Variants in PRKCI observed in about 807,000 individuals in gnomAD.
PRKCI encodes protein kinase C iota type.
PRKCI carries 43 observed loss-of-function variants against 84.0 expected under a neutral mutation model. The observed-to-expected ratio is 0.51, with a 90% confidence interval of 0.40 to 0.66. The LOEUF (loss-of-function observed/expected upper bound fraction) is 0.66, where lower values mean the gene tolerates loss of function less well. Ranked by LOEUF, PRKCI falls within the 30% of genes least tolerant of loss-of-function variation. PRKCI has a pLI of 0.00. For missense variants in PRKCI, 459 were observed against 745.6 expected (o/e 0.62, Z 4.48); for synonymous variants, 216 against 234.4 (o/e 0.92, Z 0.72).
At chr3:170,294,159 C>A (rs1734638661) in intron 14 of PRKCI, among the ~76,000 whole-genome samples, 1 of 151,882 alleles carries the variant, frequency 6.6e-6, no homozygotes, top group South Asian at 2.1e-4. Context: ...ACACAGGGAC[C>A]CTGAGGCTGA....
intron 1 of PRKCI, among the ~76,000 whole-genome samples, chr3:170,229,348 C>T (rs974812482): frequency 6.6e-6 from 1 of 152,188 alleles, no homozygotes; most frequent in Non-Finnish European, 1.5e-5. Context: ...GAGTCTGATT[C>T]TGTTGCCTAC....
intron 1 of PRKCI, among the ~76,000 whole-genome samples, chr3:170,226,506 C>G (rs1577336049): frequency 6.6e-6 from 1 of 152,238 alleles, no homozygotes; most frequent in Middle Eastern, 3.4e-3. Context: ...CATTTCTTTA[C>G]ATTATATATG....
In PRKCI at chr3:170,293,402, G is replaced by A; in HGVS notation, c.1311G>A (p.Trp437Ter). ...CTGAAGGTTTCAGTGTTGACTGGTG[G>A]GCTCTTGGAGTGCTCATGTTTGAGA... Reference protein sequence around the residue: ...GEDYGFSVDWWALGVLMFEMM... With the variant: ...GEDYGFSVDW Residue 437 changes from tryptophan (W) to a stop codon, truncating the protein, a stop_gained, in exon 14 of 18, where the codon TGG becomes TGA. Transcript: ENST00000295797. LOFTEE classifies it high-confidence loss of function. 1 of 1,612,466 alleles carries A rather than the reference G, an allele frequency of 6.2e-7. No individual in the cohort carries two copies. The highest frequency in any genetic ancestry group is 1.1e-5 in the South Asian group (1 of 90,696).
intron 3 of PRKCI, among the ~76,000 whole-genome samples, chr3:170,261,704 G>A (rs1411755019): frequency 6.6e-6 from 1 of 151,812 alleles, no homozygotes; most frequent in Non-Finnish European, 1.5e-5. Context: ...GGCTGGTCTC[G>A]AACTCCTGAC....
At chr3:170,239,568 G>A (rs1798232) in intron 2 of PRKCI, among the ~76,000 whole-genome samples, 125,246 of 152,134 alleles carry the variant, frequency 0.82, 51,640 homozygotes, top group South Asian at 0.88. Flanking sequence ...TCCATTAAAC[G>A]TTTTTATAAT....
chr3:170,270,406 A>C lies in PRKCI; in HGVS notation c.451-15A>C. ...CTTCTTGGTTAATAAAATATTGTTG[A>C]ATTACTCTTTTCAGCGTGCTCACTG... On this transcript the variant is annotated splice_polypyrimidine_tract_variant and intron_variant, in intron 5 of 17. Coordinates refer to ENST00000295797, the MANE Select transcript of PRKCI (RefSeq NM_002740.6). The C allele has an allele frequency of 6.3e-7, 1 of 1,585,384 alleles. No homozygotes were observed. The highest frequency in any genetic ancestry group is 8.6e-7 in the Non-Finnish European group (1 of 1,162,544).
chr3:170,245,950 T>G (rs1393678393), intron 2 of PRKCI, among the ~76,000 whole-genome samples: 1 of 44,348 alleles, frequency 2.3e-5, no homozygotes, highest in Non-Finnish European at 4.0e-5. Flanking sequence ...TATGTCTTTG[T>G]TTTTTTTTTT....
At chr3:170,224,987 CAA>C (rs1732591777) in intron 1 of PRKCI, among the ~76,000 whole-genome samples, 1 of 152,158 alleles carries the variant, frequency 6.6e-6, no homozygotes, top group South Asian at 2.1e-4. Context: ...GAGAAGAAAT[CAA>C]AGTCTTGCTG....
chr3:170,301,214 G>A (rs1471172284), intron 17 of PRKCI, among the ~76,000 whole-genome samples: 1 of 152,166 alleles, frequency 6.6e-6, no homozygotes, highest in Non-Finnish European at 1.5e-5. Flanking sequence ...AGGAACACTG[G>A]ATTTAATCAA....
intron 1 of PRKCI, among the ~76,000 whole-genome samples, chr3:170,232,131 G>C (rs1315533686): frequency 6.6e-6 from 1 of 151,890 alleles, no homozygotes; most frequent in African/African-American, 2.4e-5. Flanking sequence ...GCTCACTGCA[G>C]CCTTAACTGC....
chr3:170,252,168 T>G (rs1400130085), intron 2 of PRKCI, among the ~76,000 whole-genome samples: 2 of 150,402 alleles, frequency 1.3e-5, no homozygotes, highest in Non-Finnish European at 3.0e-5. Context: ...GAGCCGAGAT[T>G]GCGCCACTGC....
intron 2 of PRKCI, among the ~76,000 whole-genome samples, chr3:170,246,557 A>C (rs1224510059): frequency 6.6e-6 from 1 of 151,426 alleles, no homozygotes; most frequent in East Asian, 1.9e-4. Context: ...GCTCTCCCAA[A>C]GTGTTAGGAT....
At chr3:170,231,148 A>G (rs1732783035) in intron 1 of PRKCI, among the ~76,000 whole-genome samples, 1 of 151,752 alleles carries the variant, frequency 6.6e-6, no homozygotes, top group Admixed American at 6.6e-5. Flanking sequence ...TTTAGTGAAA[A>G]TGGGGTTTCA....
At chr3:170,282,544 A>G (rs1734273260) in intron 11 of PRKCI, among the ~76,000 whole-genome samples, 1 of 151,676 alleles carries the variant, frequency 6.6e-6, no homozygotes, top group Non-Finnish European at 1.5e-5. Context: ...TAAAAATACA[A>G]AAATTTGCTG....
At chr3:170,248,561 T>C (rs2108843160) in intron 2 of PRKCI, among the ~76,000 whole-genome samples, 1 of 152,020 alleles carries the variant, frequency 6.6e-6, no homozygotes, top group East Asian at 1.9e-4. Context: ...AATGTTTTGC[T>C]TCACGCTTAT....
At chr3:170,290,515 C>T (rs1734522601) in intron 12 of PRKCI, among the ~76,000 whole-genome samples, 1 of 151,388 alleles carries the variant, frequency 6.6e-6, no homozygotes, top group South Asian at 2.1e-4. Flanking sequence ...ATATATTCTA[C>T]ATGTATATGT....
chr3:170,231,916 C>A (rs942650113), intron 1 of PRKCI, among the ~76,000 whole-genome samples: 5 of 152,160 alleles, frequency 3.3e-5, no homozygotes, highest in Admixed American at 1.3e-4. Context: ...AGAAATGTTA[C>A]TGAGGCCGAG....
rs1462763870 is a variant in PRKCI at position 170,304,063 on chromosome 3, T to C, written c.*936T>C. On this transcript the variant is annotated 3_prime_UTR_variant, in exon 18 of 18. Coordinates refer to ENST00000295797, the MANE Select transcript of PRKCI (RefSeq NM_002740.6). Reference sequence around the variant, plus strand: ...ATGAATCAGATTCCAAATCATTAACTATTTTTGCAAAACTGGCACAAGTGG... The same window carrying C: ...ATGAATCAGATTCCAAATCATTAACCATTTTTGCAAAACTGGCACAAGTGG... 6.6e-6 allele frequency: 1 copy of C among 152,612 alleles called. No individual in the cohort carries two copies. The highest frequency in any genetic ancestry group is 1.5e-5 in the Non-Finnish European group (1 of 68,310). 9.5% of individuals were successfully genotyped at this position (152,612 alleles called of 1,614,324 possible).
intron 3 of PRKCI, among the ~76,000 whole-genome samples, chr3:170,262,566 C>T (rs181610120): frequency 4.1e-4 from 62 of 152,264 alleles, no homozygotes; most frequent in Admixed American, 1.5e-3. Context: ...CTGCAACCTT[C>T]GCCTCCCAGG....
Sources: allele counts gnomAD v4.1 joint callset (sites outside exome capture counted in the v4.1 genomes callset), GRCh38; gene constraint gnomAD v4.1.1; transcripts MANE v1.5; gene names NCBI Gene and HGNC (gene_info 2026-07-23, HGNC 2026-07-21).